The following SLCO5A1 variants were observed in gnomAD, a reference collection of about 807,000 sequenced individuals.
SLCO5A1 encodes organic anion transporter polypeptide-related protein 4.
Under a neutral mutation model 65.1 loss-of-function variants are expected in SLCO5A1, and 39 were observed. That is an observed-to-expected ratio of 0.60 (90% CI 0.46 to 0.78). The LOEUF (loss-of-function observed/expected upper bound fraction) is 0.78. SLCO5A1 is among the 30% of genes least tolerant of loss of function. The pLI is 0.00. For synonymous variants in SLCO5A1, 438 were observed against 415.7 expected (o/e 1.05, Z -0.65); for missense variants, 1,029 against 1,069.4 (o/e 0.96, Z 0.53).
intron 2 of SLCO5A1, among the ~76,000 whole-genome samples, chr8:69,828,600 CA>C (rs1210951884): frequency 4.4e-4 from 56 of 128,532 alleles, no homozygotes; most frequent in Admixed American, 9.0e-4. Flanking sequence ...AGACTCGTCT[CA>C]AAAAAAAAAA....
At chr8:69,688,254 C>T (rs1160675097) in intron 6 of SLCO5A1, among the ~76,000 whole-genome samples, 1 of 152,100 alleles carries the variant, frequency 6.6e-6, no homozygotes, top group South Asian at 2.1e-4. Flanking sequence ...TTTAAGCAAA[C>T]TTCTTTCCCC....
intron 5 of SLCO5A1, chr8:69,713,925 C>G (rs950977687): frequency 2.6e-5 from 4 of 152,210 alleles, no homozygotes; most frequent in Admixed American, 6.5e-5. Flanking sequence ...TCCATTTTCT[C>G]TTGCAAACAT....
intron 2 of SLCO5A1, chr8:69,772,973 G>C (rs1314598946): frequency 1.0e-6 from 1 of 985,202 alleles, no homozygotes; most frequent in Non-Finnish European, 1.2e-6. Context: ...ATATGCTGTG[G>C]ACTGTGGGAA....
chr8:69,825,176 G>A (rs1820817832), intron 2 of SLCO5A1, among the ~76,000 whole-genome samples: 1 of 152,164 alleles, frequency 6.6e-6, no homozygotes, highest in Non-Finnish European at 1.5e-5. Context: ...ATATCATACT[G>A]AATGGGCAAA....
chr8:69,799,715 G>C (rs553200592), intron 2 of SLCO5A1, among the ~76,000 whole-genome samples: 1 of 152,160 alleles, frequency 6.6e-6, no homozygotes, highest in East Asian at 1.9e-4. Context: ...AGCGAAGAGA[G>C]GTACTGAGCA....
rs1586772862 is a variant in SLCO5A1, at chr8:69,764,503, A to G, written c.908-2628T>C. On this transcript the variant is annotated intron_variant, in intron 2 of 9. Transcript: ENST00000260126. The stretch of plus-strand genomic sequence containing the variant: ...ATAGAATCATCTGCTTGTAACAATA[A>G]GACATTAAGTTCTTTGACTCTCCAT... 4.6e-5 allele frequency among the ~76,000 whole-genome samples: 7 copies of G among 152,332 alleles called. No homozygotes were observed. In the South Asian group the frequency reaches 1.4e-3, roughly 32 times the overall value.
At chr8:69,738,592 T>C (rs148189741) in intron 4 of SLCO5A1, among the ~76,000 whole-genome samples, 1 of 152,352 alleles carries the variant, frequency 6.6e-6, no homozygotes, top group East Asian at 1.9e-4. Flanking sequence ...GTGCCTGCAA[T>C]GCAGCCTTAA....
At chr8:69,799,786 C>T (rs1400573722) in intron 2 of SLCO5A1, among the ~76,000 whole-genome samples, 1 of 152,160 alleles carries the variant, frequency 6.6e-6, no homozygotes, top group East Asian at 1.9e-4. Flanking sequence ...ATCACAAGAA[C>T]AGCATGAGGA....
At chr8:69,750,767 A>C (rs1368351881) in intron 4 of SLCO5A1, among the ~76,000 whole-genome samples, 1 of 152,096 alleles carries the variant, frequency 6.6e-6, no homozygotes, top group East Asian at 1.9e-4. Context: ...ACAGCTTTGC[A>C]CCTGTTCTCT....
intron 2 of SLCO5A1, among the ~76,000 whole-genome samples, chr8:69,791,447 T>C (rs1210192556): frequency 1.3e-5 from 2 of 152,204 alleles, no homozygotes; most frequent in Non-Finnish European, 2.9e-5. Flanking sequence ...GGACACTATA[T>C]TGTTAAATTA....
At chr8:69,781,950 C>A (rs1308070505) in intron 2 of SLCO5A1, among the ~76,000 whole-genome samples, 5 of 152,172 alleles carry the variant, frequency 3.3e-5, no homozygotes, top group Admixed American at 6.6e-5. Flanking sequence ...AGCCACTGCG[C>A]CCGGCCTATT....
At chr8:69,725,258 G>T (rs111498438) in intron 5 of SLCO5A1, among the ~76,000 whole-genome samples, 14 of 151,960 alleles carry the variant, frequency 9.2e-5, no homozygotes, top group African/African-American at 3.4e-4. Flanking sequence ...ATACCATATT[G>T]GTTCAGTACA....
Position 69,773,323 on chromosome 8 carries a change from G to A in SLCO5A1, c.908-11448C>T, listed in dbSNP as rs1197073305. 5.3e-5 allele frequency among the ~76,000 whole-genome samples: 8 copies of A among 152,172 alleles called. No individual in the cohort carries two copies. In the East Asian group the frequency reaches 1.5e-3, roughly 29 times the overall value. On this transcript the variant is annotated intron_variant, in intron 2 of 9. Coordinates refer to ENST00000260126, the MANE Select transcript of SLCO5A1 (RefSeq NM_030958.3). ...AATGGTCTTCTGTTGTTTCCCAGATGGCAGTAGAAGAACAAGTCACGTCCA... is the reference window on the plus strand; with the variant it reads ...AATGGTCTTCTGTTGTTTCCCAGATAGCAGTAGAAGAACAAGTCACGTCCA...
At chr8:69,688,063 G>A (rs57232625) in intron 6 of SLCO5A1, among the ~76,000 whole-genome samples, 6,067 of 151,862 alleles carry the variant, frequency 0.04, 236 homozygotes, top group African/African-American at 0.098. Flanking sequence ...AAACTTGGCA[G>A]AAAGAAAATT....
chr8:69,797,055 G>A (rs1359376603), intron 2 of SLCO5A1, among the ~76,000 whole-genome samples: 1 of 152,174 alleles, frequency 6.6e-6, no homozygotes, highest in Non-Finnish European at 1.5e-5. Flanking sequence ...ATCTTCCTGT[G>A]TTGCGGGAAG....
At chr8:69,760,421 T>C (rs1817718191) in intron 3 of SLCO5A1, among the ~76,000 whole-genome samples, 3 of 152,216 alleles carry the variant, frequency 2.0e-5, no homozygotes, top group Non-Finnish European at 4.4e-5. Flanking sequence ...TGTTAGCTGC[T>C]TTGAAAATCA....
intron 2 of SLCO5A1, among the ~76,000 whole-genome samples, chr8:69,804,563 A>T (rs1819909207): frequency 6.6e-6 from 1 of 152,072 alleles, no homozygotes; most frequent in South Asian, 2.1e-4. Context: ...TGATCCGCCC[A>T]CCTTGGCCTC....
chr8:69,811,876 A>G (rs763896005), intron 2 of SLCO5A1, among the ~76,000 whole-genome samples: 16 of 152,178 alleles, frequency 1.1e-4, no homozygotes, highest in Non-Finnish European at 2.4e-4. Flanking sequence ...CCCAGTTTGC[A>G]CCACTGGCCA....
chr8:69,719,543 T>A (rs1055131944), intron 5 of SLCO5A1: 1 of 152,124 alleles, frequency 6.6e-6, no homozygotes, highest in Non-Finnish European at 1.5e-5. Flanking sequence ...TAACAATAGC[T>A]CATAGAATGA....
Sources: gnomAD v4.1 joint callset for allele counts (sites outside exome capture counted in the v4.1 genomes callset) on GRCh38, gnomAD v4.1.1 for gene constraint, MANE v1.5 for transcripts, NCBI Gene and HGNC (gene_info 2026-07-23, HGNC 2026-07-21) for gene names.